DPP6: variants seen among roughly 807,000 people sequenced by gnomAD.
The protein encoded by DPP6 is dipeptidyl peptidase like 6, also known as A-type potassium channel modulatory protein DPP6.
A neutral mutation model predicts 122.6 loss-of-function variants in DPP6; 69 were observed. The ratio of observed to expected loss-of-function variants is 0.56; its 90% CI spans 0.46 to 0.69. The LOEUF is 0.69. Among genes scored for constraint, DPP6 ranks in the 30% least tolerant of loss-of-function variants. The pLI, the probability that DPP6 is intolerant of heterozygous loss-of-function variation, is 0.00. For missense variants in DPP6, 928 were observed against 1,116.9 expected, an observed-to-expected ratio of 0.83 and a Z score of 2.41; for synonymous variants, 418 against 433.1, an observed-to-expected ratio of 0.97 and a Z score of 0.43.
chr7:154,655,237 T>C (rs553275058), intron 6 of DPP6, among the ~76,000 whole-genome samples: 14 of 152,302 alleles, frequency 9.2e-5, no homozygotes, highest in African/African-American at 2.6e-4. Context: ...GTTGCTGTTA[T>C]AAAGCTTTTC....
intron 1 of DPP6, among the ~76,000 whole-genome samples, chr7:154,401,215 AAC>A (rs1815563260): frequency 3.3e-5 from 5 of 149,890 alleles, no homozygotes; most frequent in African/African-American, 1.3e-4. Context: ...CAAAAACAAA[AAC>A]AAAAAAAAAA....
At chr7:153,987,966 G>T (rs564685031) in intron 1 of DPP6, among the ~76,000 whole-genome samples, 1 of 152,116 alleles carries the variant, frequency 6.6e-6, no homozygotes, top group Non-Finnish European at 1.5e-5. Flanking sequence ...ACAGAGTCAG[G>T]GGGAAGACAG....
chr7:154,196,211 C>T (rs926528453), intron 1 of DPP6, among the ~76,000 whole-genome samples: 2 of 152,132 alleles, frequency 1.3e-5, no homozygotes, highest in African/African-American at 2.4e-5. Flanking sequence ...ACAAATGGGC[C>T]GGGCACGGTG....
chr7:154,654,677 CA>C (rs1409109906), intron 6 of DPP6, among the ~76,000 whole-genome samples: 1 of 151,916 alleles, frequency 6.6e-6, no homozygotes, highest in East Asian at 1.9e-4. Context: ...CTTGGCGTCC[CA>C]AAGTGCTGGG....
chr7:153,789,673 G>A, the DPP6 span, among the ~76,000 whole-genome samples: 1 of 152,132 alleles, frequency 6.6e-6, no homozygotes, highest in African/African-American at 2.4e-5. Context: ...AATTAACAGA[G>A]ATATCACACC....
intron 8 of DPP6, among the ~76,000 whole-genome samples, chr7:154,766,914 C>A (rs900678977): frequency 1.3e-5 from 2 of 152,186 alleles, no homozygotes; most frequent in Non-Finnish European, 2.9e-5. Context: ...CCTTGCCCCC[C>A]CTTGCCTAGT....
At chr7:153,917,687 A>C (rs962118465) in intron 1 of DPP6, among the ~76,000 whole-genome samples, 6 of 152,216 alleles carry the variant, frequency 3.9e-5, no homozygotes, top group Non-Finnish European at 7.3e-5. Context: ...CGAAGATTCA[A>C]ATTTCGTGGA....
chr7:154,889,045 A>T (rs557012978), intron 23 of DPP6, among the ~76,000 whole-genome samples: 38 of 152,314 alleles, frequency 2.5e-4, no homozygotes, highest in Non-Finnish European at 4.4e-4. Context: ...CGTGGGAATT[A>T]TGGGAGCTAC....
intron 4 of DPP6, among the ~76,000 whole-genome samples, chr7:154,549,621 T>C (rs1294599639): frequency 1.3e-5 from 2 of 152,176 alleles, no homozygotes; most frequent in African/African-American, 4.8e-5. Flanking sequence ...CAACTAACCA[T>C]GGAAGCATTG....
chr7:154,080,382 T>A (rs1803901930), intron 1 of DPP6, among the ~76,000 whole-genome samples: 1 of 152,152 alleles, frequency 6.6e-6, no homozygotes, highest in South Asian at 2.1e-4. Flanking sequence ...TTAACCCCAG[T>A]CCTGGGAATA....
intron 21 of DPP6, 186 bp from the exon 22 acceptor site, chr7:154,885,447 G>C: frequency 2.7e-6 from 2 of 748,842 alleles, no homozygotes; most frequent in Non-Finnish European, 4.2e-6. Flanking sequence ...ATAATGCTGA[G>C]TTGGAAGGGA....
chr7:154,391,700 G>T (rs1814633832), intron 1 of DPP6, among the ~76,000 whole-genome samples: 1 of 152,166 alleles, frequency 6.6e-6, no homozygotes, highest in South Asian at 2.1e-4. Flanking sequence ...GGCTATAGAT[G>T]CTTATCAGCA....
chr7:153,815,390 T>A, the DPP6 span, among the ~76,000 whole-genome samples: 24 of 152,304 alleles, frequency 1.6e-4, no homozygotes, highest in Admixed American at 8.5e-4. Flanking sequence ...TAGTATACTT[T>A]AAGTTTTAGG....
intron 1 of DPP6, among the ~76,000 whole-genome samples, chr7:154,417,164 G>A (rs571736004): frequency 2.6e-5 from 4 of 152,106 alleles, no homozygotes; most frequent in African/African-American, 4.8e-5. Flanking sequence ...CTTGACTTTC[G>A]GGTGATCTCA....
At chr7:154,333,474 A>G (rs1809131308) in intron 1 of DPP6, among the ~76,000 whole-genome samples, 1 of 152,216 alleles carries the variant, frequency 6.6e-6, no homozygotes, top group South Asian at 2.1e-4. Context: ...AATGCTTTAT[A>G]CAGTTTCAAA....
intron 1 of DPP6, among the ~76,000 whole-genome samples, chr7:154,348,701 C>A (rs1367057891): frequency 6.6e-6 from 1 of 152,128 alleles, no homozygotes; most frequent in Non-Finnish European, 1.5e-5. Context: ...ATAACTACTT[C>A]TGACAAAATT....
At chr7:153,790,559 C>T in the DPP6 span, among the ~76,000 whole-genome samples, 4 of 152,144 alleles carry the variant, frequency 2.6e-5, no homozygotes, top group Non-Finnish European at 4.4e-5. Context: ...CTTCAGTAAA[C>T]ATTAGGTTAG....
At chr7:154,378,178 AT>A (rs1409604791) in intron 1 of DPP6, among the ~76,000 whole-genome samples, 6 of 152,274 alleles carry the variant, frequency 3.9e-5, no homozygotes, top group South Asian at 4.2e-4. Context: ...AATACATGCC[AT>A]TTTTTTGGAA....
intron 1 of DPP6, among the ~76,000 whole-genome samples, chr7:154,180,473 TATA>T (rs1798023977): frequency 1.4e-5 from 2 of 146,132 alleles, no homozygotes; most frequent in South Asian, 4.2e-4. Context: ...TATATATTTA[TATA>T]ATGTTATATA....
Sources: gnomAD v4.1 joint callset for allele counts (sites outside exome capture counted in the v4.1 genomes callset) on GRCh38, gnomAD v4.1.1 for gene constraint, MANE v1.5 for transcripts, NCBI Gene and HGNC (gene_info 2026-07-23, HGNC 2026-07-21) for gene names.